The following COL5A2 variants were observed in gnomAD, a reference collection of about 807,000 sequenced individuals.
COL5A2 encodes the protein collagen alpha-2(V) chain.
Under a neutral mutation model 208.2 loss-of-function variants are expected in COL5A2, and 23 were observed. The observed-to-expected ratio is 0.11, with a 90% CI of 0.08 to 0.16. COL5A2 has a LOEUF of 0.16. Among genes scored for constraint, COL5A2 ranks in the 10% least tolerant of loss-of-function variants. COL5A2 has a pLI of 1.00. For synonymous variants in COL5A2, 625 were observed against 628.5 expected (o/e 0.99, Z 0.08); for missense variants, 1,590 against 1,956.4 (o/e 0.81, Z 3.53).
chr2:189,273,818 G>A, the COL5A2 span, among the ~76,000 whole-genome samples: 99 of 152,146 alleles, frequency 6.5e-4, no homozygotes, highest in Middle Eastern at 0.01. Flanking sequence ...TGGAAGCAGA[G>A]GGTAGAATGA....
At chr2:189,435,556 G>A in the COL5A2 span, among the ~76,000 whole-genome samples, 1 of 152,142 alleles carries the variant, frequency 6.6e-6, no homozygotes, top group Non-Finnish European at 1.5e-5. Context: ...CATTTATGCA[G>A]CCAACACACA....
At chr2:189,039,717 G>T (rs1685519305) in intron 50 of COL5A2, among the ~76,000 whole-genome samples, 154 bp from the exon 51 acceptor site, 1 of 151,966 alleles carries the variant, frequency 6.6e-6, no homozygotes, top group Admixed American at 6.6e-5. Flanking sequence ...GATGGGGGTG[G>T]TCTAACAGGC....
chr2:189,356,936 T>C, the COL5A2 span, among the ~76,000 whole-genome samples: 1 of 152,200 alleles, frequency 6.6e-6, no homozygotes, highest in African/African-American at 2.4e-5. Context: ...ATGTCCTTTT[T>C]GTTGATGTTG....
chr2:189,393,113 T>A, the COL5A2 span, among the ~76,000 whole-genome samples: 31 of 152,152 alleles, frequency 2.0e-4, no homozygotes, highest in African/African-American at 7.0e-4. Flanking sequence ...CATTTTAGCA[T>A]CATATGTGTG....
At chr2:189,214,467 A>G (rs2105871463) in intron 1 of COL5A2, among the ~76,000 whole-genome samples, 1 of 152,262 alleles carries the variant, frequency 6.6e-6, no homozygotes, top group Admixed American at 6.5e-5. Context: ...TTCCCTTTAT[A>G]CATACATACA....
Position 189,054,032 on chromosome 2 carries a change from T to C in COL5A2, c.2446-84A>G, listed in dbSNP as rs73978810. ...ACATTGGTCACTGTGTAGGAGGAGA[T>C]AGTGGAAAAGAACTCTGAAATGATC... On this transcript the variant is annotated intron_variant, in intron 36 of 53. Transcript: ENST00000374866. 29,653 of 1,447,180 alleles carry C rather than the reference T, an allele frequency of 0.02. 386 individuals are homozygous for C. The highest frequency in any genetic ancestry group is 0.022 in the Non-Finnish European group (22,814 of 1,030,324). The allele number at this position is 1,447,180 out of a possible 1,614,324, so 89.6% of individuals were successfully genotyped here. A position where few individuals can be genotyped will look rare whatever the true frequency, so the allele number is the denominator to read the frequency against.
At chr2:189,317,013 C>T in the COL5A2 span, among the ~76,000 whole-genome samples, 12 of 152,004 alleles carry the variant, frequency 7.9e-5, no homozygotes, top group Non-Finnish European at 1.6e-4. Context: ...TAAATATATA[C>T]ACCTACTATG....
chr2:189,130,584 G>A (rs1189529557), intron 1 of COL5A2, among the ~76,000 whole-genome samples: 2 of 151,860 alleles, frequency 1.3e-5, no homozygotes. Flanking sequence ...GTAGCCACAT[G>A]AACTAAAAGG....
the COL5A2 span, among the ~76,000 whole-genome samples, chr2:189,345,372 G>C: frequency 6.6e-6 from 1 of 152,170 alleles, no homozygotes; most frequent in Non-Finnish European, 1.5e-5. Context: ...CTAGGCTGAA[G>C]ATATGGATTT....
chr2:189,080,557 T>G (rs1416645435), intron 13 of COL5A2, among the ~76,000 whole-genome samples: 1 of 152,138 alleles, frequency 6.6e-6, no homozygotes, highest in Non-Finnish European at 1.5e-5. Flanking sequence ...ATCGTAATTA[T>G]CTTCAGTAAT....
intron 1 of COL5A2, among the ~76,000 whole-genome samples, chr2:189,145,568 T>C (rs1393222514): frequency 4.6e-5 from 7 of 152,156 alleles, no homozygotes; most frequent in African/African-American, 9.6e-5. Flanking sequence ...TTTCTTGCTA[T>C]ATAATCAGTG....
At chr2:189,351,931 T>C in the COL5A2 span, among the ~76,000 whole-genome samples, 1 of 152,088 alleles carries the variant, frequency 6.6e-6, no homozygotes, top group Non-Finnish European at 1.5e-5. Flanking sequence ...CTACATTAGG[T>C]ATCTCTCCTA....
At chr2:189,356,880 C>A in the COL5A2 span, among the ~76,000 whole-genome samples, 27 of 152,142 alleles carry the variant, frequency 1.8e-4, no homozygotes, top group Non-Finnish European at 1.5e-5. Flanking sequence ...ATTTATCTAC[C>A]TTTGGTCTTT....
intron 1 of COL5A2, among the ~76,000 whole-genome samples, chr2:189,144,913 AGAT>A: frequency 6.6e-6 from 1 of 152,266 alleles, no homozygotes; most frequent in Admixed American, 6.5e-5. Flanking sequence ...CAAATTAATA[AGAT>A]GAGAGATTTC....
chr2:189,298,932 T>C, the COL5A2 span, among the ~76,000 whole-genome samples: 2 of 152,284 alleles, frequency 1.3e-5, no homozygotes, highest in Admixed American at 1.3e-4. Context: ...GAAGTGTAAA[T>C]TATGGGTACT....
At chr2:189,438,092 CAA>C in the COL5A2 span, among the ~76,000 whole-genome samples, 37 of 150,730 alleles carry the variant, frequency 2.5e-4, no homozygotes, top group Non-Finnish European at 4.6e-4. Context: ...GACACTTCAC[CAA>C]AGAGGATATA....
At chr2:189,250,983 G>C in the COL5A2 span, among the ~76,000 whole-genome samples, 5 of 152,076 alleles carry the variant, frequency 3.3e-5, no homozygotes, top group Non-Finnish European at 5.9e-5. Context: ...ACAGAACCTG[G>C]AGCCAGAAGT....
intron 30 of COL5A2, among the ~76,000 whole-genome samples, 163 bp downstream of exon 30, chr2:189,061,399 C>G (rs1686028939): frequency 1.3e-5 from 2 of 151,330 alleles, no homozygotes; most frequent in African/African-American, 4.9e-5. Context: ...TTACTTTGAA[C>G]AAAAATGTTC....
In COL5A2 at chr2:189,053,443, A is replaced by G. The variant is rs750828665; in HGVS notation, c.2534T>C (p.Val845Ala). The G allele has an allele frequency of 4.3e-6, 7 of 1,613,840 alleles. No individual in the cohort carries two copies. In the South Asian group the frequency reaches 5.5e-5, roughly 13 times the overall value. ...TTATACCTGGGGTCCGGCAAAACCA[A>G]CAGCTCCAGTTGGCCCATTTTCACC... ...SRGENGPTGAVGFAGPQGPDG... is the reference protein window; with the variant it reads ...SRGENGPTGAAGFAGPQGPDG... The change falls in exon 38 of 54, where the codon GTT (valine) becomes GCT (alanine). Residue 845 changes from valine (V) to alanine (A), a missense_variant. Physicochemically the swap from Val to Ala is moderately conservative, Grantham distance 64. Coordinates refer to ENST00000374866, the MANE Select transcript of COL5A2 (RefSeq NM_000393.5).
Sources: allele counts gnomAD v4.1 joint callset (sites outside exome capture counted in the v4.1 genomes callset), GRCh38; gene constraint gnomAD v4.1.1; transcripts MANE v1.5; gene names NCBI Gene and HGNC (gene_info 2026-07-23, HGNC 2026-07-21).